Variants in SMG7 observed in about 807,000 individuals in gnomAD.
SMG7 encodes the protein nonsense-mediated mRNA decay factor SMG7.
SMG7 carries 34 observed loss-of-function variants against 148.2 expected under a neutral mutation model. The observed-to-expected ratio is 0.23, with a 90% CI of 0.17 to 0.31. The LOEUF is 0.31. SMG7 is among the 10% of genes least tolerant of loss of function. The pLI, the probability that SMG7 is intolerant of heterozygous loss-of-function variation, is 1.00. For synonymous variants in SMG7, 492 were observed against 515.1 expected (o/e 0.96, Z 0.61); for missense variants, 1,114 against 1,408.4 (o/e 0.79, Z 3.35).
At chr1:183,536,542 A>G (rs1270051170) in intron 10 of SMG7, among the ~76,000 whole-genome samples, 1 of 152,190 alleles carries the variant, frequency 6.6e-6, no homozygotes, top group African/African-American at 2.4e-5. Flanking sequence ...TAACAAATAC[A>G]TATATAGTAC....
At position 183,553,500 on chromosome 1, in the gene SMG7, G is replaced by A. The variant is rs1671376755; in HGVS notation, c.*1569G>A. 1.2e-5 allele frequency: 4 copies of A among 322,526 alleles called. 1 individual carries two copies. In the South Asian group the frequency reaches 1.4e-4, roughly 11 times the overall value. The allele number at this position is 322,526 out of a possible 1,614,324, so 20.0% of individuals were successfully genotyped here. A position where few individuals can be genotyped will look rare whatever the true frequency, so the allele number is the denominator to read the frequency against. On this transcript the variant is annotated 3_prime_UTR_variant, in exon 23 of 23. Transcript: ENST00000688051. The stretch of plus-strand genomic sequence containing the variant: ...GGAACTTAAGAGCTGGAAGACAGCT[G>A]TAGAGCAAAGCACATCCAGGAGCCC...
chr1:183,477,445 TA>T (rs993855086), intron 1 of SMG7, among the ~76,000 whole-genome samples: 5 of 152,136 alleles, frequency 3.3e-5, no homozygotes, highest in African/African-American at 1.2e-4. Context: ...TATATATACA[TA>T]TATACATGTG....
chr1:183,517,223 T>C (rs1663745009), intron 3 of SMG7, among the ~76,000 whole-genome samples: 1 of 152,230 alleles, frequency 6.6e-6, no homozygotes, highest in Non-Finnish European at 1.5e-5. Context: ...TGAAACTGAA[T>C]GCTCTGGGAA....
intron 1 of SMG7, among the ~76,000 whole-genome samples, chr1:183,487,721 A>C (rs1358987594): frequency 6.6e-6 from 1 of 152,162 alleles, no homozygotes; most frequent in East Asian, 1.9e-4. Flanking sequence ...ACTTTCTCTC[A>C]TTAGTTCACA....
chr1:183,519,135 G>A (rs977132101), intron 4 of SMG7, among the ~76,000 whole-genome samples: 1 of 152,150 alleles, frequency 6.6e-6, no homozygotes, highest in African/African-American at 2.4e-5. Flanking sequence ...TGAGGCTGCA[G>A]TGAACCGTGA....
At chr1:183,477,351 C>T (rs960410418) in intron 1 of SMG7, among the ~76,000 whole-genome samples, 5 of 152,068 alleles carry the variant, frequency 3.3e-5, no homozygotes, top group Non-Finnish European at 5.9e-5. Context: ...TGGATTCCTA[C>T]TGTTAGACTC....
chr1:183,542,252 G>A lies in SMG7; in HGVS notation c.1592G>A (p.Arg531Gln), dbSNP rs1404228900. 8.7e-6 allele frequency: 14 copies of A among 1,614,054 alleles called. No homozygotes were observed. The highest frequency in any genetic ancestry group is 2.7e-5 in the African/African-American group (2 of 75,010). ...PGLKSVLSTSRNLSNNCDTGE... is the reference protein window; with the variant it reads ...PGLKSVLSTSQNLSNNCDTGE... ...CTAAAATCAGTGCTATCTACAAGCCGAAATTTAAGCAACAACTGTGACACA... is the reference window on the plus strand; with the variant it reads ...CTAAAATCAGTGCTATCTACAAGCCAAAATTTAAGCAACAACTGTGACACA... The change falls in exon 14 of 23, where the codon CGA (arginine) becomes CAA (glutamine). Residue 531 changes from arginine to glutamine, a missense_variant. This residue lies in a region of SMG7 where 788 missense variants were observed against 894.5 expected (regional missense o/e 0.88). Coordinates refer to ENST00000688051, the MANE Select transcript of SMG7 (RefSeq NM_001375584.1).
chr1:183,533,593 A>T, intron 9 of SMG7, 83 bp from the exon 10 acceptor site: 1 of 1,172,846 alleles, frequency 8.5e-7, no homozygotes, highest in South Asian at 1.5e-5. Context: ...TAAACAGAAT[A>T]TAGTAGAAGG....
chr1:183,527,918 T>C lies in SMG7; in HGVS notation c.485-38T>C. 1.3e-6 allele frequency: 2 copies of C among 1,522,920 alleles called. No individual in the cohort carries two copies. Among genetic ancestry groups the C allele is most frequent in the Non-Finnish European group, 9.1e-7 (1 of 1,098,928 alleles). 94.3% of individuals were successfully genotyped at this position (1,522,920 alleles called of 1,614,324 possible). A position where few individuals can be genotyped will look rare whatever the true frequency, so the allele number is the denominator to read the frequency against. ...TTTGGAAATACTACCCTACTGTTTG[T>C]TTTTTGGGTTTTTTAAAACTAATTT... On this transcript the variant is annotated intron_variant, in intron 5 of 22. Coordinates refer to ENST00000688051, the MANE Select transcript of SMG7 (RefSeq NM_001375584.1). This position sits in a 1 kb window ranked among gnomAD's most constrained non-coding sequence, Gnocchi z 4.0.
intron 1 of SMG7, among the ~76,000 whole-genome samples, chr1:183,474,874 G>C (rs1651753024): frequency 6.6e-6 from 1 of 152,198 alleles, no homozygotes; most frequent in Non-Finnish European, 1.5e-5. Flanking sequence ...TTGAGAAGCG[G>C]GGAATTCCAA....
At chr1:183,551,787 C>T (rs1671108074) in intron 22 of SMG7, 31 bp from the exon 23 acceptor site, 2 of 1,530,218 alleles carry the variant, frequency 1.3e-6, no homozygotes, top group South Asian at 1.2e-5. Context: ...GGCATTTGAC[C>T]TCTGCTGACA....
Position 183,484,972 on chromosome 1 carries a change from A to G in SMG7, c.29+12323A>G, listed in dbSNP as rs184047500. 3.3e-5 allele frequency among the ~76,000 whole-genome samples: 5 copies of G among 152,290 alleles called. No individual in the cohort carries two copies. In the East Asian group the frequency reaches 7.7e-4, roughly 24 times the overall value. On this transcript the variant is annotated intron_variant, in intron 1 of 22. Coordinates refer to ENST00000688051, the MANE Select transcript of SMG7 (RefSeq NM_001375584.1). ...GGCTTGTATAGACTAGCAATAAGGA[A>G]TAACTTCACAGAGAGGCTGTTTGTT...
chr1:183,516,791 G>A (rs184919343), intron 3 of SMG7, among the ~76,000 whole-genome samples: 3 of 152,338 alleles, frequency 2.0e-5, no homozygotes, highest in Admixed American at 2.0e-4. Flanking sequence ...TGATGTTAGA[G>A]TCAAGGATAA....
rs1668984760 is a variant in SMG7 at position 183,542,131 on chromosome 1, G to C, written c.1471G>C (p.Glu491Gln). ...ATTGTTGTTTATCACAGAAATCCCA[G>C]AATTAATACTGGAAGACCCCAGTGA... ...GKLLFITEIPELILEDPSEAK... is the reference protein window; with the variant it reads ...GKLLFITEIPQLILEDPSEAK... Residue 491 changes from glutamate (E) to glutamine (Q), a missense_variant, in exon 14 of 23, where the codon GAA becomes CAA. Coordinates refer to ENST00000688051, the MANE Select transcript of SMG7 (RefSeq NM_001375584.1). The C allele has an allele frequency of 3.1e-6, 5 of 1,613,938 alleles. No individual in the cohort carries two copies. The highest frequency in any genetic ancestry group is 4.2e-6 in the Non-Finnish European group (5 of 1,179,948).
intron 1 of SMG7, among the ~76,000 whole-genome samples, chr1:183,492,650 T>C (rs1450266149): frequency 6.6e-6 from 1 of 152,236 alleles, no homozygotes; most frequent in East Asian, 1.9e-4. Context: ...ATTATATAAA[T>C]CCTTCTGAAG....
chr1:183,523,706 G>T (rs1460858065), intron 4 of SMG7, among the ~76,000 whole-genome samples: 1 of 152,088 alleles, frequency 6.6e-6, no homozygotes, highest in Non-Finnish European at 1.5e-5. Flanking sequence ...GAGCTTTTCT[G>T]TCTGATATCA....
chr1:183,502,844 A>G (rs1428550057), intron 1 of SMG7, among the ~76,000 whole-genome samples: 3 of 152,206 alleles, frequency 2.0e-5, no homozygotes, highest in Non-Finnish European at 4.4e-5. Flanking sequence ...GCCTGTAGAA[A>G]TAGGTGTATG....
At chr1:183,485,056 G>C (rs1165687529) in intron 1 of SMG7, among the ~76,000 whole-genome samples, 5 of 152,096 alleles carry the variant, frequency 3.3e-5, no homozygotes, top group Non-Finnish European at 5.9e-5. Context: ...GTGCCAGACA[G>C]TATTCCAAAT....
At chr1:183,502,568 G>A (rs986762606) in intron 1 of SMG7, among the ~76,000 whole-genome samples, 11 of 152,092 alleles carry the variant, frequency 7.2e-5, no homozygotes, top group African/African-American at 2.7e-4. Flanking sequence ...GAGAACCTTG[G>A]CTTATGTTTA....
Sources: allele counts gnomAD v4.1 joint callset (sites outside exome capture counted in the v4.1 genomes callset), GRCh38; gene constraint gnomAD v4.1.1; regional missense constraint gnomAD v4.1.1; non-coding constraint Gnocchi (gnomAD v3.1); transcripts MANE v1.5; gene names NCBI Gene and HGNC (gene_info 2026-07-23, HGNC 2026-07-21).